Variants in EFCAB7 observed in about 807,000 individuals in gnomAD.
The protein encoded by EFCAB7 is EF-hand calcium-binding domain-containing protein 7.
A neutral mutation model predicts 77.1 loss-of-function variants in EFCAB7; 66 were observed. The ratio of observed to expected loss-of-function variants is 0.86; its 90% CI spans 0.70 to 1.05. The LOEUF (loss-of-function observed/expected upper bound fraction) is 1.05. Ranked by LOEUF, EFCAB7 falls within the 50% of genes least tolerant of loss-of-function variation. EFCAB7 has a pLI of 0.00. For missense variants in EFCAB7, 638 were observed against 730.5 expected (o/e 0.87, Z 1.46); for synonymous variants, 225 against 243.3 (o/e 0.92, Z 0.70).
At chr1:63,544,557 C>T (rs756025220) in intron 6 of EFCAB7, among the ~76,000 whole-genome samples, 6 of 152,026 alleles carry the variant, frequency 3.9e-5, no homozygotes, top group Admixed American at 2.0e-4. Flanking sequence ...GGACTACAGG[C>T]GCACGCCACC....
intron 7 of EFCAB7, chr1:63,548,959 T>C (rs1646932166): frequency 6.4e-6 from 1 of 155,972 alleles, no homozygotes; most frequent in Admixed American, 6.5e-5. Context: ...TCAGCACTTT[T>C]CGGCGCCATT....
At chr1:63,572,698 G>T, downstream of EFCAB7, 2 of 964,734 alleles carry the variant, frequency 2.1e-6, no homozygotes, top group African/African-American at 1.7e-5. Context: ...CTTTCATTGT[G>T]TGGTGTTCTT....
intron 11 of EFCAB7, among the ~76,000 whole-genome samples, chr1:63,563,303 A>G (rs1257938353): frequency 6.6e-6 from 1 of 152,210 alleles, no homozygotes; most frequent in Non-Finnish European, 1.5e-5. Context: ...CAAAAGGTAA[A>G]AAAAATACAG....
At chr1:63,557,037 C>CAAA (rs35668099) in intron 9 of EFCAB7, 77 bp from the exon 10 acceptor site, 2,490 of 942,864 alleles carry the variant, frequency 2.6e-3, no homozygotes, top group Middle Eastern at 5.6e-3. Context: ...GACTCCGTCT[C>CAAA]AAAAAAAAAA....
At position 63,551,710 on chromosome 1, in the gene EFCAB7, T is replaced by C. The variant is rs778003515; in HGVS notation, c.947-15T>C. 1 of 1,441,896 alleles carries C rather than the reference T, an allele frequency of 6.9e-7. No individual in the cohort carries two copies. The highest frequency in any genetic ancestry group is 2.3e-5 in the Admixed American group (1 of 43,346). 89.3% of individuals were successfully genotyped at this position (1,441,896 alleles called of 1,614,324 possible). A position where few individuals can be genotyped will look rare whatever the true frequency, so the allele number is the denominator to read the frequency against. On this transcript the variant is annotated splice_polypyrimidine_tract_variant and intron_variant, in intron 7 of 13. Transcript: ENST00000371088. Reference sequence around the variant, plus strand: ...GCTTATTTTAAGGTGTTTGGGCTTTTTTTTTTGTTTGTAGGAAAACCATCC... The same window carrying C: ...GCTTATTTTAAGGTGTTTGGGCTTTCTTTTTTGTTTGTAGGAAAACCATCC...
In EFCAB7 at chr1:63,551,796, C is replaced by T. The variant is rs1180533494; in HGVS notation, c.1018C>T (p.Leu340=). ...CAAGGAAAATGAGAGTCAAGCAAAT[C>T]TACAGCTTGTGTGTTTTACCGAACT... is the stretch of plus-strand genomic sequence containing the variant. ...ILKENESQAN[L]QLVCFTELRN... The change falls in exon 8 of 14, where the codon CTA becomes TTA. Residue 340 remains leucine (L), a synonymous_variant. Coordinates refer to ENST00000371088, the MANE Select transcript of EFCAB7 (RefSeq NM_032437.4). The T allele has an allele frequency of 1.9e-6, 3 of 1,595,216 alleles. No individual in the cohort carries two copies. In the African/African-American group the frequency reaches 4.0e-5, roughly 22 times the overall value.
At chr1:63,582,285 T>C in the EFCAB7 span, among the ~76,000 whole-genome samples, 1 of 152,234 alleles carries the variant, frequency 6.6e-6, no homozygotes, top group African/African-American at 2.4e-5. Flanking sequence ...CTAAGAAGCA[T>C]AGCAAAGTCA....
chr1:63,525,622 C>T lies in EFCAB7; in HGVS notation c.50C>T (p.Thr17Ile). The T allele has an allele frequency of 6.3e-7, 1 of 1,582,182 alleles. No homozygotes were observed. The highest frequency in any genetic ancestry group is 8.5e-7 in the Non-Finnish European group (1 of 1,172,420). ...SDATFSSQKS[T>I]PSESPRTKKF... is the part of the protein sequence containing the mutation. ...GCAACTTTCTCCAGTCAGAAATCAACACCTTCAGAGAGTCCTCGAACAAAG... is the reference window on the plus strand; with the variant it reads ...GCAACTTTCTCCAGTCAGAAATCAATACCTTCAGAGAGTCCTCGAACAAAG... The change falls in exon 2 of 14, where the codon ACA (threonine) becomes ATA (isoleucine). Residue 17 changes from threonine to isoleucine, a missense_variant. Coordinates refer to ENST00000371088, the MANE Select transcript of EFCAB7 (RefSeq NM_032437.4).
chr1:63,541,389 A>T (rs1008558088), intron 6 of EFCAB7, among the ~76,000 whole-genome samples: 1 of 152,202 alleles, frequency 6.6e-6, no homozygotes, highest in Non-Finnish European at 1.5e-5. Flanking sequence ...AACACATGTC[A>T]ATAGCTTTAA....
chr1:63,531,723 G>C (rs992892152), intron 2 of EFCAB7, 97 bp from the exon 3 acceptor site: 31 of 1,036,486 alleles, frequency 3.0e-5, no homozygotes, highest in Admixed American at 2.6e-4. Flanking sequence ...ATAGTGTTTT[G>C]TAAATATCAT....
At chr1:63,575,732 C>T (rs911806865), downstream of EFCAB7, among the ~76,000 whole-genome samples, 4 of 151,696 alleles carry the variant, frequency 2.6e-5, no homozygotes, top group Non-Finnish European at 4.4e-5. Context: ...TACAGGCATA[C>T]GCTACCACAC....
chr1:63,555,204 G>A (rs1011670671), intron 8 of EFCAB7, 154 bp from the exon 9 acceptor site: 1 of 806,508 alleles, frequency 1.2e-6, no homozygotes, highest in Non-Finnish European at 1.8e-6. Flanking sequence ...TTTGAAACCT[G>A]TAAAAAGACT....
intron 2 of EFCAB7, among the ~76,000 whole-genome samples, chr1:63,530,163 C>A (rs1274899938): frequency 6.6e-6 from 1 of 152,130 alleles, no homozygotes; most frequent in Admixed American, 6.5e-5. Flanking sequence ...GTATTTATTA[C>A]CCTGATCTGG....
chr1:63,556,906 C>G (rs1011922521), intron 9 of EFCAB7, among the ~76,000 whole-genome samples: 2 of 150,530 alleles, frequency 1.3e-5, no homozygotes, highest in African/African-American at 4.9e-5. Context: ...GGTGTGGTGG[C>G]GGGCGCCTAT....
At chr1:63,525,120 T>C (rs1646562979) in intron 1 of EFCAB7, among the ~76,000 whole-genome samples, 1 of 152,176 alleles carries the variant, frequency 6.6e-6, no homozygotes, top group African/African-American at 2.4e-5. Flanking sequence ...ACTTACTACG[T>C]GTCAAGCAAT....
At chr1:63,543,840 A>G (rs1646859152) in intron 6 of EFCAB7, among the ~76,000 whole-genome samples, 1 of 152,224 alleles carries the variant, frequency 6.6e-6, no homozygotes, top group South Asian at 2.1e-4. Context: ...CTACTAATAA[A>G]GTGAAAAGCA....
At chr1:63,549,705 C>T (rs1646943152) in intron 7 of EFCAB7, 3 of 259,624 alleles carry the variant, frequency 1.2e-5, no homozygotes, top group African/African-American at 2.3e-5. Flanking sequence ...TTACACATGT[C>T]AAGGGATTAC....
At chr1:63,554,186 C>G (rs1646999609) in intron 8 of EFCAB7, among the ~76,000 whole-genome samples, 2 of 152,078 alleles carry the variant, frequency 1.3e-5, no homozygotes, top group South Asian at 4.1e-4. Flanking sequence ...TTGGGTTAGT[C>G]TGTGCTGAAG....
In EFCAB7 at chr1:63,552,797, A is replaced by G. The variant is rs551734196; in HGVS notation, c.1056+963A>G. On this transcript the variant is annotated intron_variant, in intron 8 of 13. Transcript: ENST00000371088. Reference sequence around the variant, plus strand: ...AAACATTTCCCTGATAGAATGTTATATAAAAGTCTTTTTTGTAGGCTTCCT... The same window carrying G: ...AAACATTTCCCTGATAGAATGTTATGTAAAAGTCTTTTTTGTAGGCTTCCT... 7.9e-5 allele frequency among the ~76,000 whole-genome samples: 12 copies of G among 152,356 alleles called. 1 individual carries two copies. Among genetic ancestry groups the G allele is most frequent in the African/African-American group, 2.9e-4 (12 of 41,600 alleles).
Sources: allele counts gnomAD v4.1 joint callset (sites outside exome capture counted in the v4.1 genomes callset), GRCh38; gene constraint gnomAD v4.1.1; transcripts MANE v1.5; gene names NCBI Gene and HGNC (gene_info 2026-07-23, HGNC 2026-07-21).